The following SPATA31D3 variants were observed in gnomAD, a reference collection of about 807,000 sequenced individuals.
SPATA31D3 encodes the protein SPATA31 subfamily D member 3.
For synonymous variants in SPATA31D3, 27 were observed against 107.8 expected, an observed-to-expected ratio of 0.25 and a Z score of 4.65; for missense variants, 91 against 297.9, an observed-to-expected ratio of 0.31 and a Z score of 5.11.
chr9:81,949,888 C>G lies in SPATA31D3; in HGVS notation c.*1881C>G. The G allele has an allele frequency of 1.4e-6, 1 of 735,632 alleles. No individual in the cohort carries two copies. The highest frequency in any genetic ancestry group is 2.3e-6 in the Non-Finnish European group (1 of 432,596). The allele number at this position is 735,632 out of a possible 1,614,324, so 45.6% of individuals were successfully genotyped here. A position where few individuals can be genotyped will look rare whatever the true frequency, so the allele number is the denominator to read the frequency against. ...CCCCACAGGAAGCCTGTGCCACAGC[C>G]AAACCCCACTTGCAGTGTGAAGTCA... On this transcript the variant is annotated 3_prime_UTR_variant, in exon 4 of 4. Transcript: ENST00000445385.
chr9:81,949,498 A>G lies in SPATA31D3; in HGVS notation c.*1491A>G. ...TCGAGTTAAAAGTAGAGCTGTCTTTACTGGGACTATTGAAGCTCAGAAAAT... is the reference window on the plus strand; with the variant it reads ...TCGAGTTAAAAGTAGAGCTGTCTTTGCTGGGACTATTGAAGCTCAGAAAAT... On this transcript the variant is annotated 3_prime_UTR_variant, in exon 4 of 4. Coordinates refer to ENST00000445385, the MANE Select transcript of SPATA31D3 (RefSeq NM_207416.3). 1 of 530,622 alleles carries G rather than the reference A, an allele frequency of 1.9e-6. No homozygotes were observed. The allele number at this position is 530,622 out of a possible 1,614,324, so 32.9% of individuals were successfully genotyped here.
Position 81,948,099 on chromosome 9 carries a change from C to T in SPATA31D3, c.*92C>T. 2.0e-6 allele frequency: 3 copies of T among 1,493,716 alleles called. No individual in the cohort carries two copies. Among genetic ancestry groups the T allele is most frequent in the Non-Finnish European group, 2.7e-6 (3 of 1,110,870 alleles). The allele number at this position is 1,493,716 out of a possible 1,614,324, so 92.5% of individuals were successfully genotyped here. A position where few individuals can be genotyped will look rare whatever the true frequency, so the allele number is the denominator to read the frequency against. ...TTTCCAATTCCTTTTCCCATTTCTACCTTCCCTCCTCAGCCAGCTTTATTT... is the reference window on the plus strand; with the variant it reads ...TTTCCAATTCCTTTTCCCATTTCTATCTTCCCTCCTCAGCCAGCTTTATTT... On this transcript the variant is annotated 3_prime_UTR_variant, in exon 4 of 4. Transcript: ENST00000445385.
chr9:81,949,381 C>A lies in SPATA31D3; in HGVS notation c.*1374C>A. ...CGGAACATTGATGAAGACCTTTTTG[C>A]AGCAGTCTAATAAACCCATCATAAC... On this transcript the variant is annotated 3_prime_UTR_variant, in exon 4 of 4. Coordinates refer to ENST00000445385, the MANE Select transcript of SPATA31D3 (RefSeq NM_207416.3). The A allele has an allele frequency of 2.9e-6, 1 of 349,872 alleles. No homozygotes were observed. Among genetic ancestry groups the A allele is most frequent in the Non-Finnish European group, 5.7e-6 (1 of 176,852 alleles). The allele number at this position is 349,872 out of a possible 1,614,324, so 21.7% of individuals were successfully genotyped here.
Position 81,949,429 on chromosome 9 carries a change from T to C in SPATA31D3, c.*1422T>C, listed in dbSNP as rs545345794. ...AACATATGGAAAACAAGAAAGTTCC[T>C]AGGAAAAGGGTAGCTCCTTGTCATC... On this transcript the variant is annotated 3_prime_UTR_variant, in exon 4 of 4. Coordinates refer to ENST00000445385, the MANE Select transcript of SPATA31D3 (RefSeq NM_207416.3). 3.2e-5 allele frequency: 12 copies of C among 371,108 alleles called. No homozygotes were observed. The highest frequency in any genetic ancestry group is 5.8e-5 in the Non-Finnish European group (11 of 189,078). The allele number at this position is 371,108 out of a possible 1,614,324, so 23.0% of individuals were successfully genotyped here.
Position 81,947,802 on chromosome 9 carries a change from C to T in SPATA31D3, c.2549C>T (p.Ser850Leu). 1 of 1,601,032 alleles carries T rather than the reference C, an allele frequency of 6.2e-7. No homozygotes were observed. The highest frequency in any genetic ancestry group is 2.3e-5 in the East Asian group (1 of 43,794). Residue 850 changes from serine (S) to leucine (L), a missense_variant, in exon 4 of 4, where the codon TCA (serine) becomes TTA (leucine). Ser to Leu is a moderately radical substitution (Grantham distance 145, BLOSUM62 -2). Transcript: ENST00000445385. The stretch of plus-strand genomic sequence containing the variant: ...CGAATGCCTGGGACTGTGCATAGTT[C>T]ATGGCACTCAGTCAAGCAGACAATA... ...EGRMPGTVHS[S>L]WHSVKQTICL...
rs895938164 is a variant in SPATA31D3, at chr9:81,950,084, A to G, written c.*2077A>G. The G allele has an allele frequency of 8.4e-6, 2 of 238,602 alleles. No individual in the cohort carries two copies. Among genetic ancestry groups the G allele is most frequent in the African/African-American group, 4.5e-5 (2 of 44,352 alleles). The allele number at this position is 238,602 out of a possible 1,614,324, so 14.8% of individuals were successfully genotyped here. A position where few individuals can be genotyped will look rare whatever the true frequency, so the allele number is the denominator to read the frequency against. On this transcript the variant is annotated 3_prime_UTR_variant, in exon 4 of 4. Transcript: ENST00000445385. The stretch of plus-strand genomic sequence containing the variant: ...TTGACTCTCCCCAATAAACGTTCTA[A>G]TAAGAATAAGAAGGATGTCTTTTCT...
chr9:81,949,802 A>G lies in SPATA31D3; in HGVS notation c.*1795A>G. On this transcript the variant is annotated 3_prime_UTR_variant, in exon 4 of 4. Coordinates refer to ENST00000445385, the MANE Select transcript of SPATA31D3 (RefSeq NM_207416.3). ...AGACAGATCATAGACAAGGACAGAT[A>G]GCCCCAGGAAGTTGGACATTTAAGG... The G allele has an allele frequency of 8.0e-7, 1 of 1,252,690 alleles. No individual in the cohort carries two copies. The allele number at this position is 1,252,690 out of a possible 1,614,324, so 77.6% of individuals were successfully genotyped here.
rs1824011745 is a variant in SPATA31D3, at chr9:81,950,066, T to TC, written c.*2063dup. On this transcript the variant is annotated 3_prime_UTR_variant, in exon 4 of 4. Transcript: ENST00000445385. ...AACTCCTTGTTGAGAATCTTGACTC[T>TC]CCCCAATAAACGTTCTAATAAGAAT... 1 of 283,094 alleles carries TC rather than the reference T, an allele frequency of 3.5e-6. No homozygotes were observed. Among genetic ancestry groups the TC allele is most frequent in the Admixed American group, 4.7e-5 (1 of 21,262 alleles). 17.5% of individuals were successfully genotyped at this position (283,094 alleles called of 1,614,324 possible).
At chr9:81,945,339 G>C (rs1170180360) in intron 3 of SPATA31D3, 107 bp downstream of exon 3, 5 of 350,146 alleles carry the variant, frequency 1.4e-5, no homozygotes, top group Non-Finnish European at 1.7e-5. Flanking sequence ...TCATTTCAGG[G>C]ATTCCTTGTA....
Position 81,949,216 on chromosome 9 carries a change from C to T in SPATA31D3, c.*1209C>T, listed in dbSNP as rs1437063513. On this transcript the variant is annotated 3_prime_UTR_variant, in exon 4 of 4. Transcript: ENST00000445385. Reference sequence around the variant, plus strand: ...CCCTCTAAGACCTAATGGAGGAGAGCTTGGTGGAGGGGATGCAGGGCTGGG... The same window carrying T: ...CCCTCTAAGACCTAATGGAGGAGAGTTTGGTGGAGGGGATGCAGGGCTGGG... 9.5e-6 allele frequency: 4 copies of T among 419,700 alleles called. No homozygotes were observed. In the Admixed American group the frequency reaches 1.1e-4, roughly 12 times the overall value. The allele number at this position is 419,700 out of a possible 1,614,324, so 26.0% of individuals were successfully genotyped here. A position where few individuals can be genotyped will look rare whatever the true frequency, so the allele number is the denominator to read the frequency against.
At position 81,949,240 on chromosome 9, in the gene SPATA31D3, G is replaced by T; in HGVS notation, c.*1233G>T. ...GCTTGGTGGAGGGGATGCAGGGCTGGGGACATCCCAACTCAGAAGAAAGAG... is the reference window on the plus strand; with the variant it reads ...GCTTGGTGGAGGGGATGCAGGGCTGTGGACATCCCAACTCAGAAGAAAGAG... On this transcript the variant is annotated 3_prime_UTR_variant, in exon 4 of 4. Transcript: ENST00000445385. 2.6e-6 allele frequency: 1 copy of T among 391,610 alleles called. No homozygotes were observed. Among genetic ancestry groups the T allele is most frequent in the Admixed American group, 3.9e-5 (1 of 25,810 alleles). The allele number at this position is 391,610 out of a possible 1,614,324, so 24.3% of individuals were successfully genotyped here. A position where few individuals can be genotyped will look rare whatever the true frequency, so the allele number is the denominator to read the frequency against.
At position 81,949,823 on chromosome 9, in the gene SPATA31D3, T is replaced by G. The variant is rs1823999618; in HGVS notation, c.*1816T>G. On this transcript the variant is annotated 3_prime_UTR_variant, in exon 4 of 4. Transcript: ENST00000445385. ...AGATAGCCCCAGGAAGTTGGACATT[T>G]AAGGGGAAGATATTGTGTCAAAGGC... is the stretch of plus-strand genomic sequence containing the variant. The G allele has an allele frequency of 1.8e-6, 2 of 1,132,338 alleles. No individual in the cohort carries two copies. The highest frequency in any genetic ancestry group is 2.4e-5 in the East Asian group (1 of 42,130). The allele number at this position is 1,132,338 out of a possible 1,614,324, so 70.1% of individuals were successfully genotyped here. A position where few individuals can be genotyped will look rare whatever the true frequency, so the allele number is the denominator to read the frequency against.
Position 81,949,688 on chromosome 9 carries a change from A to C in SPATA31D3, c.*1681A>C. 7.5e-7 allele frequency: 1 copy of C among 1,340,050 alleles called. No homozygotes were observed. The allele number at this position is 1,340,050 out of a possible 1,614,324, so 83.0% of individuals were successfully genotyped here. A position where few individuals can be genotyped will look rare whatever the true frequency, so the allele number is the denominator to read the frequency against. On this transcript the variant is annotated 3_prime_UTR_variant, in exon 4 of 4. Transcript: ENST00000445385. The stretch of plus-strand genomic sequence containing the variant: ...GAGCCTGTCCAGGGCTATCCCTGCA[A>C]CTACATGGCTCCCTCCTGCAAAGTG...
chr9:81,949,396 C>A lies in SPATA31D3; in HGVS notation c.*1389C>A, dbSNP rs1297519243. Reference sequence around the variant, plus strand: ...GACCTTTTTGCAGCAGTCTAATAAACCCATCATAACATATGGAAAACAAGA... The same window carrying A: ...GACCTTTTTGCAGCAGTCTAATAAAACCATCATAACATATGGAAAACAAGA... On this transcript the variant is annotated 3_prime_UTR_variant, in exon 4 of 4. Coordinates refer to ENST00000445385, the MANE Select transcript of SPATA31D3 (RefSeq NM_207416.3). The A allele has an allele frequency of 4.7e-5, 17 of 358,276 alleles. No homozygotes were observed. The Admixed American group carries it at 6.5e-4, about 14-fold the overall frequency. The allele number at this position is 358,276 out of a possible 1,614,324, so 22.2% of individuals were successfully genotyped here.
chr9:81,949,367 T>G lies in SPATA31D3; in HGVS notation c.*1360T>G, dbSNP rs1267169879. 2.8e-6 allele frequency: 1 copy of G among 356,190 alleles called. No individual in the cohort carries two copies. The highest frequency in any genetic ancestry group is 6.3e-5 in the East Asian group (1 of 15,926). 22.1% of individuals were successfully genotyped at this position (356,190 alleles called of 1,614,324 possible). A position where few individuals can be genotyped will look rare whatever the true frequency, so the allele number is the denominator to read the frequency against. On this transcript the variant is annotated 3_prime_UTR_variant, in exon 4 of 4. Coordinates refer to ENST00000445385, the MANE Select transcript of SPATA31D3 (RefSeq NM_207416.3). ...CCTGAAAACCTTTTCGGAACATTGATGAAGACCTTTTTGCAGCAGTCTAAT... is the reference window on the plus strand; with the variant it reads ...CCTGAAAACCTTTTCGGAACATTGAGGAAGACCTTTTTGCAGCAGTCTAAT...
Position 81,949,804 on chromosome 9 carries a change from C to A in SPATA31D3, c.*1797C>A, listed in dbSNP as rs1823998642. On this transcript the variant is annotated 3_prime_UTR_variant, in exon 4 of 4. Transcript: ENST00000445385. ...ACAGATCATAGACAAGGACAGATAG[C>A]CCCAGGAAGTTGGACATTTAAGGGG... The A allele has an allele frequency of 4.0e-6, 5 of 1,248,424 alleles. No individual in the cohort carries two copies. The South Asian group carries it at 4.9e-5, about 12-fold the overall frequency. 77.3% of individuals were successfully genotyped at this position (1,248,424 alleles called of 1,614,324 possible).
At chr9:81,945,420 T>A in intron 3 of SPATA31D3, 127 bp from the exon 4 acceptor site, 5 of 202,746 alleles carry the variant, frequency 2.5e-5, no homozygotes, top group South Asian at 1.8e-4. Context: ...GGAGAGGCTA[T>A]AGTGAGGTCA....
Position 81,949,165 on chromosome 9 carries a change from T to C in SPATA31D3, c.*1158T>C. The C allele has an allele frequency of 1.9e-6, 1 of 529,786 alleles. No homozygotes were observed. The highest frequency in any genetic ancestry group is 3.5e-6 in the Non-Finnish European group (1 of 286,594). The allele number at this position is 529,786 out of a possible 1,614,324, so 32.8% of individuals were successfully genotyped here. On this transcript the variant is annotated 3_prime_UTR_variant, in exon 4 of 4. Transcript: ENST00000445385. ...CTTACAGAAATGCCAAGTTAAGAAT[T>C]TTTCACCAGCTACAAAGAGAGTGAG...
rs900146007 is a variant in SPATA31D3, at chr9:81,949,131, T to C, written c.*1124T>C. ...CACAGCAGCAGGAGCCCAGGGTCCC[T>C]ACGCATGTCTTACAGAAATGCCAAG... On this transcript the variant is annotated 3_prime_UTR_variant, in exon 4 of 4. Transcript: ENST00000445385. 7 of 611,146 alleles carry C rather than the reference T, an allele frequency of 1.1e-5. No individual in the cohort carries two copies. The highest frequency in any genetic ancestry group is 5.1e-5 in the Admixed American group (2 of 39,346). The allele number at this position is 611,146 out of a possible 1,614,324, so 37.9% of individuals were successfully genotyped here. A position where few individuals can be genotyped will look rare whatever the true frequency, so the allele number is the denominator to read the frequency against.
Sources: gnomAD v4.1 joint callset for allele counts on GRCh38, gnomAD v4.1.1 for gene constraint, MANE v1.5 for transcripts, NCBI Gene and HGNC (gene_info 2026-07-23, HGNC 2026-07-21) for gene names.